FIG4: variants seen among roughly 807,000 people sequenced by gnomAD.
FIG4 encodes polyphosphoinositide phosphatase.
Under a neutral mutation model 118.6 loss-of-function variants are expected in FIG4, and 112 were observed. That is an observed-to-expected ratio of 0.94 (90% confidence interval 0.81 to 1.11). The LOEUF is 1.11. Among genes scored for constraint, FIG4 ranks in the 50% least tolerant of loss-of-function variants. The pLI is 0.00. For missense variants in FIG4, 969 were observed against 1,111.7 expected (o/e 0.87, Z 1.83); for synonymous variants, 369 against 381.2 (o/e 0.97, Z 0.37).
intron 1 of FIG4, among the ~76,000 whole-genome samples, chr6:109,697,592 A>G (rs563504269): frequency 3.3e-5 from 5 of 152,270 alleles, no homozygotes; most frequent in South Asian, 2.1e-4. Flanking sequence ...GGAAACTGCA[A>G]TGTCTTTTGT....
At position 109,825,329 on chromosome 6, in the gene FIG4, C is replaced by A; in HGVS notation, c.*64C>A. On this transcript the variant is annotated 3_prime_UTR_variant, in exon 23 of 23. Transcript: ENST00000230124. ...CTTAGAACCTGTCTTGTCTCATCTT[C>A]AAAAGGTAACTTATTAAAAGTCCTT... 6.8e-7 allele frequency: 1 copy of A among 1,472,402 alleles called. No homozygotes were observed. Among genetic ancestry groups the A allele is most frequent in the Non-Finnish European group, 9.5e-7 (1 of 1,054,144 alleles). 91.2% of individuals were successfully genotyped at this position (1,472,402 alleles called of 1,614,324 possible).
intron 12 of FIG4, among the ~76,000 whole-genome samples, chr6:109,763,651 G>C (rs993703661): frequency 6.6e-6 from 1 of 152,198 alleles, no homozygotes; most frequent in African/African-American, 2.4e-5. Context: ...ATGAAAGCAA[G>C]GGAGATTTTG....
chr6:109,763,457 G>T (rs966552046), intron 12 of FIG4, among the ~76,000 whole-genome samples: 4 of 152,174 alleles, frequency 2.6e-5, no homozygotes, highest in Non-Finnish European at 5.9e-5. Context: ...AAAATAAGTA[G>T]TCTCTAAAAG....
At chr6:109,754,006 C>T (rs1776799478) in intron 10 of FIG4, among the ~76,000 whole-genome samples, 1 of 152,140 alleles carries the variant, frequency 6.6e-6, no homozygotes, top group South Asian at 2.1e-4. Context: ...GAGGGCATCC[C>T]TGTCTTGTGC....
intron 16 of FIG4, among the ~76,000 whole-genome samples, chr6:109,777,991 C>T (rs1174302355): frequency 1.3e-5 from 2 of 152,136 alleles, no homozygotes; most frequent in African/African-American, 4.8e-5. Flanking sequence ...GTGTTTTTAA[C>T]TGAGGAGTCA....
At chr6:109,805,972 A>G (rs1219732033) in intron 22 of FIG4, among the ~76,000 whole-genome samples, 1 of 152,200 alleles carries the variant, frequency 6.6e-6, no homozygotes, top group African/African-American at 2.4e-5. Context: ...AAGCTTCAGT[A>G]AATGTTTAAC....
intron 1 of FIG4, among the ~76,000 whole-genome samples, chr6:109,710,532 A>G (rs2128380358): frequency 6.6e-6 from 1 of 152,248 alleles, no homozygotes; most frequent in Admixed American, 6.5e-5. Flanking sequence ...TAGAAATGGT[A>G]CTAGTTCTTC....
At chr6:109,713,017 A>C (rs1233375534) in intron 1 of FIG4, among the ~76,000 whole-genome samples, 3 of 152,150 alleles carry the variant, frequency 2.0e-5, no homozygotes, top group African/African-American at 7.2e-5. Context: ...TTCAGCTGCC[A>C]ACTCCTGGAC....
At chr6:109,697,112 A>G (rs948038273) in intron 1 of FIG4, among the ~76,000 whole-genome samples, 2 of 152,070 alleles carry the variant, frequency 1.3e-5, no homozygotes, top group African/African-American at 2.4e-5. Context: ...AATACAAAAA[A>G]TTAGCTGGGC....
At chr6:109,795,464 C>T (rs1385754966) in intron 21 of FIG4, among the ~76,000 whole-genome samples, 2 of 151,948 alleles carry the variant, frequency 1.3e-5, no homozygotes, top group Non-Finnish European at 2.9e-5. Flanking sequence ...GTTTCTGTAA[C>T]ACTTTCTTGA....
Position 109,757,477 on chromosome 6 carries a change from CTA to C in FIG4, c.1138-2771_1138-2770del, listed in dbSNP as rs1459530909. ...GGAACATATCTCAAAATAATAAGAGCTATTTGTAACAAACCCACAGCCAATAT... is the reference window on the plus strand; with the variant it reads ...GGAACATATCTCAAAATAATAAGAGCTTTGTAACAAACCCACAGCCAATAT... On this transcript the variant is annotated intron_variant, in intron 10 of 22. Transcript: ENST00000230124. 2.6e-5 allele frequency among the ~76,000 whole-genome samples: 4 copies of C among 152,280 alleles called. No homozygotes were observed. In the East Asian group the frequency reaches 7.7e-4, roughly 29 times the overall value.
At chr6:109,754,601 A>T (rs1472069431) in intron 10 of FIG4, among the ~76,000 whole-genome samples, 2 of 152,182 alleles carry the variant, frequency 1.3e-5, no homozygotes, top group Admixed American at 6.5e-5. Flanking sequence ...GCTATTGATT[A>T]TTGCCACAAT....
At chr6:109,724,293 C>T (rs1429166013) in intron 3 of FIG4, among the ~76,000 whole-genome samples, 3 of 152,124 alleles carry the variant, frequency 2.0e-5, no homozygotes, top group African/African-American at 7.2e-5. Flanking sequence ...ATTCCATTAA[C>T]TAATATTTCA....
intron 4 of FIG4, among the ~76,000 whole-genome samples, chr6:109,731,952 A>T (rs1312212958): frequency 6.6e-6 from 1 of 152,346 alleles, no homozygotes; most frequent in Admixed American, 6.5e-5. Flanking sequence ...TTGCATACAT[A>T]TTTTAAATAT....
intron 17 of FIG4, 130 bp from the exon 18 acceptor site, chr6:109,786,171 CT>C (rs1777949473): frequency 2.8e-6 from 2 of 722,404 alleles, no homozygotes; most frequent in Non-Finnish European, 4.7e-6. Flanking sequence ...GAGGCAGGAG[CT>C]TACCCTCGGT....
intron 1 of FIG4, among the ~76,000 whole-genome samples, chr6:109,709,560 C>A (rs1775193261): frequency 6.6e-6 from 1 of 152,108 alleles, no homozygotes; most frequent in South Asian, 2.1e-4. Context: ...GGCAGTATGG[C>A]CATTTTCACA....
In FIG4 at chr6:109,691,440, C is replaced by T; in HGVS notation, c.5C>T (p.Pro2Leu). The change falls in exon 1 of 23, where the codon CCC becomes CTC. Residue 2 changes from proline to leucine, a missense_variant. By Grantham distance (98) the Pro-to-Leu change is moderately conservative (BLOSUM62 -3). Around this residue, in one of 3 missense-constraint regions of FIG4, gnomAD observed 393 missense variants for 409.4 expected, o/e 0.96. Transcript: ENST00000230124. M[P>L]TAAAPIISSV... ...GGGCCCCCATTTGCCGCCGCCATGCCCACGGCCGCCGCCCCCATCATCAGC... is the reference window on the plus strand; with the variant it reads ...GGGCCCCCATTTGCCGCCGCCATGCTCACGGCCGCCGCCCCCATCATCAGC... 1 of 1,580,042 alleles carries T rather than the reference C, an allele frequency of 6.3e-7. No individual in the cohort carries two copies. The highest frequency in any genetic ancestry group is 8.6e-7 in the Non-Finnish European group (1 of 1,162,756).
chr6:109,820,981 A>G (rs1185328596), intron 22 of FIG4, among the ~76,000 whole-genome samples: 1 of 152,210 alleles, frequency 6.6e-6, no homozygotes, highest in East Asian at 1.9e-4. Context: ...GCTCACAGGT[A>G]GTCGCCAGAA....
chr6:109,765,228 T>C (rs1228183457), intron 14 of FIG4, 67 bp downstream of exon 14: 2 of 1,354,018 alleles, frequency 1.5e-6, no homozygotes, highest in Non-Finnish European at 1.1e-6. Context: ...ACTAATAAGA[T>C]TTTTTTATGA....
Sources: allele counts gnomAD v4.1 joint callset (sites outside exome capture counted in the v4.1 genomes callset), GRCh38; gene constraint gnomAD v4.1.1; regional missense constraint gnomAD v4.1.1; transcripts MANE v1.5; gene names NCBI Gene and HGNC (gene_info 2026-07-23, HGNC 2026-07-21).